RAD51B: variants seen among roughly 807,000 people sequenced by gnomAD.
RAD51B encodes DNA repair protein RAD51 homolog 2.
In RAD51B, 38 loss-of-function variants were observed where a neutral mutation model predicts 42.2. The observed-to-expected ratio is 0.90, with a 90% CI of 0.70 to 1.18. The LOEUF is 1.18. Ranked by LOEUF, RAD51B falls within the 50% of genes most tolerant of loss-of-function variation. RAD51B has a pLI of 0.00. For synonymous variants in RAD51B, 154 were observed against 145.2 expected (o/e 1.06, Z -0.43); for missense variants, 373 against 400.7 (o/e 0.93, Z 0.59).
Position 67,895,540 on chromosome 14 carries a change from G to C in RAD51B, c.756+8336G>C, listed in dbSNP as rs560071844. Among the ~76,000 whole-genome samples the C allele has an allele frequency of 7.9e-5, 12 of 152,240 alleles. No individual in the cohort carries two copies. The South Asian group carries it at 2.5e-3, about 32-fold the overall frequency. On this transcript the variant is annotated intron_variant, in intron 7 of 10. Transcript: ENST00000471583. The stretch of plus-strand genomic sequence containing the variant: ...TCTGATCACATCCCTCCTATGCTCA[G>C]AAGCATTGTATGGTACCATGATGCT...
chr14:67,878,671 G>A (rs373358337), intron 5 of RAD51B, among the ~76,000 whole-genome samples: 43 of 152,166 alleles, frequency 2.8e-4, no homozygotes, highest in African/African-American at 9.9e-4. Flanking sequence ...CTATTATGCA[G>A]TAAGTCCATT....
In RAD51B at chr14:68,483,740, T is replaced by C. The variant is rs117374981; in HGVS notation, c.1036+15490T>C. On this transcript the variant is annotated intron_variant, in intron 10 of 10. Coordinates refer to the RAD51B transcript ENST00000487270. ...TTCTTTCAGTAATGAATTCCTGCTCTGAATGGGCTGCCTCCATGTGTTTTC... is the reference window on the plus strand; with the variant it reads ...TTCTTTCAGTAATGAATTCCTGCTCCGAATGGGCTGCCTCCATGTGTTTTC... Among the ~76,000 whole-genome samples the C allele has an allele frequency of 4.2e-4, 64 of 152,370 alleles. 1 individual carries two copies. In the East Asian group the frequency reaches 0.012, roughly 28 times the overall value.
chr14:68,378,214 A>G (rs1261469829), intron 8 of RAD51B, among the ~76,000 whole-genome samples: 1 of 152,182 alleles, frequency 6.6e-6, no homozygotes, highest in African/African-American at 2.4e-5. Flanking sequence ...GCCCACTTCA[A>G]TATGTTTAAG....
intron 7 of RAD51B, among the ~76,000 whole-genome samples, chr14:68,235,923 G>A (rs2080246941): frequency 6.6e-6 from 1 of 152,068 alleles, no homozygotes; most frequent in Non-Finnish European, 1.5e-5. Context: ...GGATGGAGCT[G>A]GAAGCCATTA....
chr14:68,022,665 A>ATTTCAGG (rs998768003), intron 7 of RAD51B, among the ~76,000 whole-genome samples: 2 of 146,072 alleles, frequency 1.4e-5, no homozygotes, highest in Admixed American at 6.8e-5. Context: ...TCCAACTCTT[A>ATTTCAGG]TTTCAGGTTC....
chr14:68,364,815 T>C (rs192589272), intron 8 of RAD51B, among the ~76,000 whole-genome samples: 7 of 152,286 alleles, frequency 4.6e-5, no homozygotes, highest in Non-Finnish European at 8.8e-5. Context: ...CTTATGTGTG[T>C]GTGTGAGGGT....
chr14:68,509,256 G>T (rs1206477642), intron 10 of RAD51B, among the ~76,000 whole-genome samples: 6 of 151,942 alleles, frequency 3.9e-5, no homozygotes, highest in African/African-American at 1.5e-4. Flanking sequence ...TCACTGGGTT[G>T]TCAAGTGGTC....
At chr14:67,880,374 C>A (rs1383813955) in intron 5 of RAD51B, among the ~76,000 whole-genome samples, 1 of 152,130 alleles carries the variant, frequency 6.6e-6, no homozygotes. Flanking sequence ...AATGGTCTCC[C>A]ATGGAAAAAG....
At chr14:68,334,939 ATAAG>A (rs1339577098) in intron 8 of RAD51B, among the ~76,000 whole-genome samples, 1 of 88,740 alleles carries the variant, frequency 1.1e-5, no homozygotes, top group East Asian at 2.7e-4. Flanking sequence ...ACACACATAT[ATAAG>A]TATTATATAT....
intron 7 of RAD51B, among the ~76,000 whole-genome samples, chr14:67,965,679 T>C (rs917833630): frequency 2.6e-5 from 4 of 152,080 alleles, no homozygotes; most frequent in African/African-American, 9.7e-5. Flanking sequence ...CACATGTACA[T>C]TTACTCCATT....
intron 7 of RAD51B, among the ~76,000 whole-genome samples, chr14:68,046,958 C>CT (rs1246761638): frequency 1.3e-5 from 2 of 148,902 alleles, no homozygotes; most frequent in Non-Finnish European, 1.5e-5. Flanking sequence ...TTGTTTTTTG[C>CT]TTTTTGTTTT....
chr14:68,137,352 A>G (rs1417074413), intron 7 of RAD51B, among the ~76,000 whole-genome samples: 2 of 152,322 alleles, frequency 1.3e-5, no homozygotes, highest in African/African-American at 4.8e-5. Context: ...TCCTATTGCT[A>G]TGGTAAGAAA....
intron 10 of RAD51B, among the ~76,000 whole-genome samples, chr14:68,504,822 A>G (rs112876117): frequency 1.3e-5 from 2 of 151,636 alleles, no homozygotes; most frequent in African/African-American, 4.9e-5. Flanking sequence ...CTGGAGCCCA[A>G]TCTACACACT....
downstream of RAD51B, among the ~76,000 whole-genome samples, chr14:68,600,684 C>T (rs945154542): frequency 1.3e-5 from 2 of 152,038 alleles, no homozygotes; most frequent in African/African-American, 4.8e-5. Flanking sequence ...AAACTGATAC[C>T]CTTTAATCAT....
At chr14:68,449,127 A>T (rs1314878453) in intron 9 of RAD51B, among the ~76,000 whole-genome samples, 2 of 152,242 alleles carry the variant, frequency 1.3e-5, no homozygotes, top group Non-Finnish European at 2.9e-5. Flanking sequence ...GAATGCAGTT[A>T]AGAGGATAAC....
In RAD51B at chr14:68,344,111, C is replaced by T. The variant is rs139502551; in HGVS notation, c.853+52131C>T. 1.3e-3 allele frequency among the ~76,000 whole-genome samples: 192 copies of T among 152,306 alleles called. 2 individuals carry two copies. The highest frequency in any genetic ancestry group is 4.5e-3 in the African/African-American group (185 of 41,568). On this transcript the variant is annotated intron_variant, in intron 8 of 10. Coordinates refer to ENST00000471583, the MANE Select transcript of RAD51B (RefSeq NM_133510.4). Reference sequence around the variant, plus strand: ...GAGTTGAAGCCCCCCACATAGAGTCCTCACCAGGGCACTGCCTTGTGGAGT... The same window carrying T: ...GAGTTGAAGCCCCCCACATAGAGTCTTCACCAGGGCACTGCCTTGTGGAGT...
intron 4 of RAD51B, among the ~76,000 whole-genome samples, chr14:67,841,100 A>AT (rs1566917968): frequency 1.3e-5 from 2 of 152,172 alleles, no homozygotes; most frequent in East Asian, 3.9e-4. Context: ...GTGCCTGGCC[A>AT]TTTTGACTTC....
intron 10 of RAD51B, among the ~76,000 whole-genome samples, chr14:68,504,679 T>C (rs1241482348): frequency 6.8e-6 from 1 of 147,336 alleles, no homozygotes; most frequent in Middle Eastern, 3.4e-3. Context: ...TTTTTTTTTT[T>C]TTTTTTTTGC....
At chr14:67,895,545 A>G (rs1198972769) in intron 7 of RAD51B, among the ~76,000 whole-genome samples, 1 of 152,178 alleles carries the variant, frequency 6.6e-6, no homozygotes, top group Non-Finnish European at 1.5e-5. Context: ...GCTCAGAAGC[A>G]TTGTATGGTA....
Sources: gnomAD v4.1 joint callset for allele counts (sites outside exome capture counted in the v4.1 genomes callset) on GRCh38, gnomAD v4.1.1 for gene constraint, MANE v1.5 for transcripts, NCBI Gene and HGNC (gene_info 2026-07-23, HGNC 2026-07-21) for gene names.